The following STIM2 variants were observed in gnomAD, a reference collection of about 807,000 sequenced individuals.
STIM2 encodes the protein stromal interaction molecule 2.
Under a neutral mutation model 85.8 loss-of-function variants are expected in STIM2, and 31 were observed. The observed-to-expected ratio is 0.36, with a 90% CI of 0.27 to 0.49. The LOEUF (loss-of-function observed/expected upper bound fraction) is 0.49, where lower values mean the gene tolerates loss of function less well. Among genes scored for constraint, STIM2 ranks in the 20% least tolerant of loss-of-function variants. STIM2 has a pLI of 0.98. For synonymous variants in STIM2, 356 were observed against 331.1 expected, an observed-to-expected ratio of 1.08 and a Z score of -0.82; for missense variants, 841 against 927.6, an observed-to-expected ratio of 0.91 and a Z score of 1.21.
At chr4:26,946,626 ACT>A (rs1484755235) in intron 2 of STIM2, among the ~76,000 whole-genome samples, 4 of 151,784 alleles carry the variant, frequency 2.6e-5, no homozygotes, top group Non-Finnish European at 5.9e-5. Context: ...ACTTCTGTGC[ACT>A]CTTTTTTTCT....
At chr4:26,941,155 C>T (rs891932440) in intron 2 of STIM2, among the ~76,000 whole-genome samples, 2 of 152,146 alleles carry the variant, frequency 1.3e-5, no homozygotes, top group African/African-American at 4.8e-5. Context: ...TTGTACACAT[C>T]CTGTATTCTC....
chr4:26,901,980 G>C (rs896130546), intron 1 of STIM2, among the ~76,000 whole-genome samples: 2 of 152,190 alleles, frequency 1.3e-5, no homozygotes, highest in Non-Finnish European at 2.9e-5. Flanking sequence ...TTTATAGAGT[G>C]AATCAATGGC....
chr4:26,999,431 A>G, intron 5 of STIM2, 84 bp downstream of exon 5: 1 of 693,986 alleles, frequency 1.4e-6, no homozygotes, highest in South Asian at 3.0e-5. Context: ...GAAAAATAAG[A>G]TAGTAGGCCT....
intron 1 of STIM2, among the ~76,000 whole-genome samples, chr4:26,879,355 G>A (rs1403313673): frequency 6.6e-6 from 1 of 151,704 alleles, no homozygotes; most frequent in East Asian, 1.9e-4. Context: ...ACCTGCCTGT[G>A]GTGAAGAATG....
Position 27,022,821 on chromosome 4 carries a change from C to T in STIM2, c.2066C>T (p.Pro689Leu), listed in dbSNP as rs776018804. 9.3e-6 allele frequency: 15 copies of T among 1,614,040 alleles called. No individual in the cohort carries two copies. The highest frequency in any genetic ancestry group is 3.3e-4 in the Middle Eastern group (2 of 6,084). Residue 689 changes from proline (P) to leucine (L), a missense_variant, in exon 12 of 12, where the codon CCG (proline) becomes CTG (leucine). Physicochemically the swap from Pro to Leu is moderately conservative, Grantham distance 98. Transcript: ENST00000467087. ...ATGAACCAGCTTTCCAGTGGCATCC[C>T]GGTGCCTAAACCTCGCCACACATCA...
intron 1 of STIM2, among the ~76,000 whole-genome samples, chr4:26,905,269 A>T (rs1267130704): frequency 6.6e-6 from 1 of 152,206 alleles, no homozygotes; most frequent in African/African-American, 2.4e-5. Flanking sequence ...GTAGTTGACG[A>T]ATTAGATTTA....
chr4:26,873,986 C>A, intron 1 of STIM2: 2 of 939,854 alleles, frequency 2.1e-6, no homozygotes, highest in Admixed American at 1.8e-5. Flanking sequence ...CTTCTGTGCC[C>A]CTCTCTTTCT....
At chr4:26,986,419 T>C (rs1727588172) in intron 3 of STIM2, among the ~76,000 whole-genome samples, 9 of 152,200 alleles carry the variant, frequency 5.9e-5, no homozygotes, top group Admixed American at 5.9e-4. Flanking sequence ...AATGAAAAGT[T>C]ATATGGTAGT....
intron 1 of STIM2, among the ~76,000 whole-genome samples, chr4:26,880,600 C>CAT (rs1553844374): frequency 2.1e-5 from 2 of 95,706 alleles, no homozygotes; most frequent in Non-Finnish European, 4.2e-5. Flanking sequence ...CATAAACCTT[C>CAT]ATATATATAA....
chr4:26,862,719 A>G (rs879511607), intron 1 of STIM2, among the ~76,000 whole-genome samples: 16 of 152,248 alleles, frequency 1.1e-4, no homozygotes, highest in African/African-American at 3.4e-4. Context: ...TAAAGTGATT[A>G]TAGAATAATC....
chr4:27,011,494 A>C (rs142997402), intron 10 of STIM2, among the ~76,000 whole-genome samples: 164 of 152,312 alleles, frequency 1.1e-3, no homozygotes, highest in African/African-American at 3.7e-3. Context: ...GGACACCTAG[A>C]AACGGACTGC....
chr4:26,860,920 C>G lies in STIM2; in HGVS notation c.-299C>G, dbSNP rs1371694973. ...TGAAGACGCCGTACCTTTCTACCCC[C>G]CACCTTTTTTTTTTTTTTTTTTAAA... On this transcript the variant is annotated 5_prime_UTR_variant, in exon 1 of 12. Transcript: ENST00000467087. 1.0e-6 allele frequency: 1 copy of G among 989,264 alleles called. No homozygotes were observed. Among genetic ancestry groups the G allele is most frequent in the Non-Finnish European group, 1.3e-6 (1 of 796,312 alleles). The allele number at this position is 989,264 out of a possible 1,614,324, so 61.3% of individuals were successfully genotyped here.
At chr4:26,948,256 T>G (rs554495475) in intron 2 of STIM2, among the ~76,000 whole-genome samples, 31 of 152,264 alleles carry the variant, frequency 2.0e-4, no homozygotes, top group African/African-American at 7.0e-4. Context: ...AGAGAGAGCT[T>G]ATTTTTTCCA....
chr4:26,923,320 TCTC>T (rs1724880191), intron 2 of STIM2, among the ~76,000 whole-genome samples: 1 of 151,664 alleles, frequency 6.6e-6, no homozygotes, highest in Non-Finnish European at 1.5e-5. Context: ...GCAGAGCGCC[TCTC>T]CTCCTCCAAA....
At position 27,022,834 on chromosome 4, in the gene STIM2, T is replaced by G. The variant is rs764665042; in HGVS notation, c.2079T>G (p.Pro693=). 1.9e-5 allele frequency: 31 copies of G among 1,614,042 alleles called. No individual in the cohort carries two copies. In the Admixed American group the frequency reaches 5.2e-4, roughly 27 times the overall value. The change falls in exon 12 of 12, where the codon CCT becomes CCG. Residue 693 remains proline, a synonymous_variant. Coordinates refer to ENST00000467087, the MANE Select transcript of STIM2 (RefSeq NM_020860.4). ...CCAGTGGCATCCCGGTGCCTAAACC[T>G]CGCCACACATCATGTTCCTCAGCTG... is the stretch of plus-strand genomic sequence containing the variant.
chr4:26,901,417 A>T (rs1723916265), intron 1 of STIM2, among the ~76,000 whole-genome samples: 1 of 152,186 alleles, frequency 6.6e-6, no homozygotes, highest in Non-Finnish European at 1.5e-5. Context: ...GCTGAAGGGA[A>T]GATTTAATGC....
intron 1 of STIM2, among the ~76,000 whole-genome samples, chr4:26,888,920 C>A (rs1015146204): frequency 2.6e-5 from 4 of 152,144 alleles, no homozygotes; most frequent in Admixed American, 2.0e-4. Flanking sequence ...GTACACTAAC[C>A]CTGGGTCTTC....
chr4:27,012,108 C>G (rs1300174070), intron 10 of STIM2, among the ~76,000 whole-genome samples: 1 of 152,070 alleles, frequency 6.6e-6, no homozygotes, highest in African/African-American at 2.4e-5. Flanking sequence ...TATAATACCA[C>G]TTCTCTCCAT....
intron 7 of STIM2, among the ~76,000 whole-genome samples, chr4:27,005,326 G>A (rs1347353928): frequency 6.6e-6 from 1 of 152,124 alleles, no homozygotes; most frequent in African/African-American, 2.4e-5. Flanking sequence ...AAAAGTCTCA[G>A]GAAGCCTTTA....
Sources: allele counts gnomAD v4.1 joint callset (sites outside exome capture counted in the v4.1 genomes callset), GRCh38; gene constraint gnomAD v4.1.1; transcripts MANE v1.5; gene names NCBI Gene and HGNC (gene_info 2026-07-23, HGNC 2026-07-21).